COL19A1: variants seen among roughly 807,000 people sequenced by gnomAD.
COL19A1 encodes collagen type XIX alpha 1 chain, also known as collagen alpha-1(XIX) chain.
A neutral mutation model predicts 190.2 loss-of-function variants in COL19A1; 159 were observed. The ratio of observed to expected loss-of-function variants is 0.84; its 90% CI spans 0.73 to 0.95. The LOEUF (loss-of-function observed/expected upper bound fraction) is 0.95, where lower values mean the gene tolerates loss of function less well. COL19A1 is among the 40% of genes least tolerant of loss of function. The pLI, the probability that COL19A1 is intolerant of heterozygous loss-of-function variation, is 0.00. For missense variants in COL19A1, 1,418 were observed against 1,431.9 expected (o/e 0.99, Z 0.16); for synonymous variants, 509 against 458.9 (o/e 1.11, Z -1.39).
chr6:70,189,449 GC>G (rs2150296036), intron 47 of COL19A1, among the ~76,000 whole-genome samples: 2 of 152,182 alleles, frequency 1.3e-5, no homozygotes, highest in South Asian at 4.2e-4. Flanking sequence ...TCAGAGTGGG[GC>G]TTATTGCCTT....
At chr6:69,998,044 A>C (rs1320079431) in intron 11 of COL19A1, among the ~76,000 whole-genome samples, 3 of 152,202 alleles carry the variant, frequency 2.0e-5, no homozygotes, top group Non-Finnish European at 4.4e-5. Flanking sequence ...GAAAGAATGG[A>C]GACAAAAAGG....
intron 19 of COL19A1, 73 bp from the exon 20 acceptor site, chr6:70,140,881 G>T: frequency 6.8e-7 from 1 of 1,461,154 alleles, no homozygotes; most frequent in Non-Finnish European, 9.6e-7. Context: ...GGCCTATAGG[G>T]TTTATCCACA....
intron 12 of COL19A1, among the ~76,000 whole-genome samples, chr6:70,027,466 G>T (rs1778788550): frequency 6.6e-6 from 1 of 152,078 alleles, no homozygotes; most frequent in Admixed American, 6.5e-5. Context: ...TAGCATCCTT[G>T]AAGCTCACCA....
At chr6:69,944,128 C>G (rs925676942) in intron 9 of COL19A1, among the ~76,000 whole-genome samples, 2 of 152,120 alleles carry the variant, frequency 1.3e-5, no homozygotes, top group African/African-American at 4.8e-5. Flanking sequence ...ACTTGGCTCG[C>G]TCTCTTCTTC....
At chr6:70,136,655 C>A (rs1031401821) in intron 18 of COL19A1, among the ~76,000 whole-genome samples, 2 of 152,026 alleles carry the variant, frequency 1.3e-5, no homozygotes. Flanking sequence ...ATACTAAATT[C>A]TTGAGAGTGG....
intron 11 of COL19A1, among the ~76,000 whole-genome samples, chr6:70,010,675 G>A (rs1293593351): frequency 1.5e-5 from 2 of 137,502 alleles, no homozygotes; most frequent in Non-Finnish European, 3.0e-5. Context: ...GGCGCACCAC[G>A]AGACTATATC....
intron 46 of COL19A1, 24 bp from the exon 47 acceptor site, chr6:70,188,049 CTT>C: frequency 6.2e-7 from 1 of 1,611,700 alleles, no homozygotes; most frequent in Non-Finnish European, 8.5e-7. Context: ...AGAGATTATT[CTT>C]TGTTATTATT....
At chr6:69,936,960 C>T in intron 8 of COL19A1, 50 bp downstream of exon 8, 1 of 1,594,140 alleles carries the variant, frequency 6.3e-7, no homozygotes, top group Non-Finnish European at 8.6e-7. Flanking sequence ...AGACTATGAG[C>T]CCAGCTCCTT....
rs1345607555 is a variant in COL19A1, at chr6:70,146,935, A to T, written c.1893+46A>T. 3 of 1,491,636 alleles carry T rather than the reference A, an allele frequency of 2.0e-6. No individual in the cohort carries two copies. The Admixed American group carries it at 7.2e-5, about 36-fold the overall frequency. The allele number at this position is 1,491,636 out of a possible 1,614,324, so 92.4% of individuals were successfully genotyped here. A position where few individuals can be genotyped will look rare whatever the true frequency, so the allele number is the denominator to read the frequency against. ...TCCTTGTTGATTCCAACATTGTGAA[A>T]CAAAATCCAGTGTCAAATTTTAACA... On this transcript the variant is annotated intron_variant, in intron 27 of 50. Coordinates refer to ENST00000620364, the MANE Select transcript of COL19A1 (RefSeq NM_001858.6).
intron 14 of COL19A1, among the ~76,000 whole-genome samples, chr6:70,058,502 T>TCCGGGGAG (rs1780637803): frequency 6.6e-6 from 1 of 152,016 alleles, no homozygotes; most frequent in East Asian, 1.9e-4. Context: ...TCAAGGCCTT[T>TCCGGGGAG]ATTAGTGTGT....
chr6:70,100,407 A>G (rs9454970), intron 15 of COL19A1, among the ~76,000 whole-genome samples: 3 of 152,230 alleles, frequency 2.0e-5, no homozygotes, highest in African/African-American at 7.2e-5. Context: ...TGTTTTAAGT[A>G]TAGAGAATAT....
At chr6:70,049,377 A>G (rs1024445533) in intron 14 of COL19A1, among the ~76,000 whole-genome samples, 3 of 151,956 alleles carry the variant, frequency 2.0e-5, no homozygotes, top group South Asian at 2.1e-4. Context: ...TTTTTCTACA[A>G]TACAAAGCTA....
chr6:70,000,057 C>G (rs916170794), intron 11 of COL19A1, among the ~76,000 whole-genome samples: 16 of 151,986 alleles, frequency 1.1e-4, no homozygotes, highest in African/African-American at 3.9e-4. Context: ...GTGTGTTGTT[C>G]CCCTCCCTGT....
chr6:70,109,717 T>C (rs1784180331), intron 16 of COL19A1, among the ~76,000 whole-genome samples: 1 of 152,148 alleles, frequency 6.6e-6, no homozygotes, highest in Non-Finnish European at 1.5e-5. Flanking sequence ...GCTTGTTTGC[T>C]GAAAGAAAAC....
chr6:70,045,383 T>C (rs547683873), intron 14 of COL19A1, among the ~76,000 whole-genome samples: 3 of 151,936 alleles, frequency 2.0e-5, no homozygotes, highest in African/African-American at 2.4e-5. Context: ...TAGTTCTTTG[T>C]TGATTGTCTT....
intron 11 of COL19A1, among the ~76,000 whole-genome samples, chr6:70,002,118 A>G (rs557379334): frequency 6.6e-6 from 1 of 152,284 alleles, no homozygotes; most frequent in East Asian, 1.9e-4. Flanking sequence ...ATATATAGAG[A>G]TAATCATGTG....
At chr6:70,141,232 A>G (rs1013501252) in intron 20 of COL19A1, among the ~76,000 whole-genome samples, 1 of 152,110 alleles carries the variant, frequency 6.6e-6, no homozygotes, top group Non-Finnish European at 1.5e-5. Flanking sequence ...ACATTGTTTA[A>G]CCAGTTACTA....
At chr6:70,047,243 T>G (rs1024448047) in intron 14 of COL19A1, among the ~76,000 whole-genome samples, 1 of 152,134 alleles carries the variant, frequency 6.6e-6, no homozygotes. Flanking sequence ...ATACTTAATG[T>G]CAAGATGACA....
intron 9 of COL19A1, among the ~76,000 whole-genome samples, chr6:69,942,740 A>ACGTGTGTG (rs71536480): frequency 6.8e-6 from 1 of 146,586 alleles, no homozygotes; most frequent in Non-Finnish European, 1.5e-5. Flanking sequence ...CATTGTGTGT[A>ACGTGTGTG]TGTGTGTGTG....
Sources: gnomAD v4.1 joint callset for allele counts (sites outside exome capture counted in the v4.1 genomes callset) on GRCh38, gnomAD v4.1.1 for gene constraint, MANE v1.5 for transcripts, NCBI Gene and HGNC (gene_info 2026-07-23, HGNC 2026-07-21) for gene names.